Variants in PLCB1 observed in about 807,000 individuals in gnomAD.
The protein encoded by PLCB1 is 1-phosphatidylinositol 4,5-bisphosphate phosphodiesterase beta-1.
In PLCB1, 46 loss-of-function variants were observed where a neutral mutation model predicts 161.8. The observed-to-expected ratio is 0.28, with a 90% CI of 0.22 to 0.36. The LOEUF (loss-of-function observed/expected upper bound fraction) is 0.36, where lower values mean the gene tolerates loss of function less well. PLCB1 is among the 10% of genes least tolerant of loss of function. PLCB1 has a pLI of 1.00. For missense variants in PLCB1, 1,016 were observed against 1,472.5 expected, an observed-to-expected ratio of 0.69 and a Z score of 5.07; for synonymous variants, 517 against 503.7, an observed-to-expected ratio of 1.03 and a Z score of -0.35.
intron 2 of PLCB1, among the ~76,000 whole-genome samples, chr20:8,287,606 A>G (rs1983182992): frequency 6.6e-6 from 1 of 152,208 alleles, no homozygotes; most frequent in African/African-American, 2.4e-5. Flanking sequence ...TCATCTTTAC[A>G]AGGTGTAATA....
chr20:8,213,642 A>C (rs1213898924), intron 2 of PLCB1, among the ~76,000 whole-genome samples: 2 of 152,064 alleles, frequency 1.3e-5, no homozygotes, highest in African/African-American at 4.8e-5. Flanking sequence ...TAAGAAGCCA[A>C]TGAAGAATTT....
intron 27 of PLCB1, among the ~76,000 whole-genome samples, chr20:8,776,372 A>G (rs1982944325): frequency 6.6e-6 from 1 of 152,188 alleles, no homozygotes; most frequent in Non-Finnish European, 1.5e-5. Flanking sequence ...GTTTATAACC[A>G]TTGTGTAGAT....
intron 3 of PLCB1, among the ~76,000 whole-genome samples, chr20:8,591,707 T>C (rs1987156046): frequency 6.6e-6 from 1 of 152,216 alleles, no homozygotes; most frequent in African/African-American, 2.4e-5. Flanking sequence ...GAGAAGCATT[T>C]GTTGTTAAGC....
intron 3 of PLCB1, among the ~76,000 whole-genome samples, chr20:8,536,544 A>C (rs1004278503): frequency 1.3e-5 from 2 of 152,158 alleles, no homozygotes; most frequent in African/African-American, 4.8e-5. Context: ...TTGCAGCAAG[A>C]TGGTGGTTGA....
In PLCB1 at chr20:8,132,833, G is replaced by A. The variant is rs1022460224; in HGVS notation, c.99+83G>A. The A allele has an allele frequency of 9.6e-6, 9 of 933,350 alleles. No individual in the cohort carries two copies. The highest frequency in any genetic ancestry group is 1.5e-5 in the Non-Finnish European group (9 of 592,204). The allele number at this position is 933,350 out of a possible 1,614,324, so 57.8% of individuals were successfully genotyped here. ...GTCGTGGGGGTGGGGCAAGGGGCGCGTTATGCAATGGGCGCACTGGGAGCG... is the reference window on the plus strand; with the variant it reads ...GTCGTGGGGGTGGGGCAAGGGGCGCATTATGCAATGGGCGCACTGGGAGCG... On this transcript the variant is annotated intron_variant, in intron 1 of 31. Coordinates refer to ENST00000338037, the MANE Select transcript of PLCB1 (RefSeq NM_015192.4). This position sits in a 1 kb window ranked among gnomAD's most constrained non-coding sequence, Gnocchi z 5.2.
At chr20:8,432,696 G>A (rs6140615) in intron 3 of PLCB1, among the ~76,000 whole-genome samples, 1 of 152,042 alleles carries the variant, frequency 6.6e-6, no homozygotes, top group Admixed American at 6.6e-5. Context: ...ATTTTCTTCA[G>A]GATCAAAGCG....
At chr20:8,682,002 G>A (rs1990233421) in intron 9 of PLCB1, among the ~76,000 whole-genome samples, 2 of 152,154 alleles carry the variant, frequency 1.3e-5, no homozygotes, top group East Asian at 1.9e-4. Flanking sequence ...TCGTGCCTGG[G>A]TTTCAAGGGG....
At chr20:8,764,781 A>G (rs1982226749) in intron 25 of PLCB1, among the ~76,000 whole-genome samples, 1 of 151,928 alleles carries the variant, frequency 6.6e-6, no homozygotes, top group African/African-American at 2.4e-5. Flanking sequence ...CTGAGACCAC[A>G]CCCTTGCTCA....
At chr20:8,182,504 T>A (rs577040249) in intron 2 of PLCB1, among the ~76,000 whole-genome samples, 4 of 152,126 alleles carry the variant, frequency 2.6e-5, no homozygotes, top group Non-Finnish European at 5.9e-5. Flanking sequence ...AAAGATCATG[T>A]GGAAAAGAGA....
At chr20:8,197,310 C>T (rs931602452) in intron 2 of PLCB1, among the ~76,000 whole-genome samples, 59 of 152,284 alleles carry the variant, frequency 3.9e-4, no homozygotes, top group African/African-American at 1.4e-3. Flanking sequence ...TCTCCATATC[C>T]TCTCCAGCAC....
chr20:8,579,020 G>T (rs974524224), intron 3 of PLCB1, among the ~76,000 whole-genome samples: 5 of 152,180 alleles, frequency 3.3e-5, no homozygotes, highest in African/African-American at 1.2e-4. Context: ...TGTTTTCAGA[G>T]CACTTCTTTT....
chr20:8,236,437 G>C lies in PLCB1; in HGVS notation c.177+86066G>C, dbSNP rs566733534. Among the ~76,000 whole-genome samples the C allele has an allele frequency of 1.4e-3, 216 of 152,152 alleles. 1 individual carries two copies. The highest frequency in any genetic ancestry group is 4.8e-3 in the African/African-American group (201 of 41,508). ...AGTTCTAGCTGCTCGAGAGGCTAAG[G>C]CGGGAGGATCGCTTGAGCCCAGGAG... On this transcript the variant is annotated intron_variant, in intron 2 of 31. Transcript: ENST00000338037.
In PLCB1 at chr20:8,315,880, C is replaced by T. The variant is rs144286384; in HGVS notation, c.178-55502C>T. ...GGAATTAAATGTTTACTGTGTTAAC[C>T]GTTGACCACTCATGGATTTCAGAGA... On this transcript the variant is annotated intron_variant, in intron 2 of 31. Transcript: ENST00000338037. Among the ~76,000 whole-genome samples the T allele has an allele frequency of 2.6e-5, 4 of 152,244 alleles. No homozygotes were observed. The East Asian group carries it at 5.8e-4, about 22-fold the overall frequency.
At chr20:8,603,974 C>T (rs944353965) in intron 3 of PLCB1, among the ~76,000 whole-genome samples, 9 of 152,032 alleles carry the variant, frequency 5.9e-5, no homozygotes, top group Non-Finnish European at 7.4e-5. Context: ...TACTATTGGC[C>T]GGGTGTGGTG....
At chr20:8,254,723 A>G (rs774928013) in intron 2 of PLCB1, among the ~76,000 whole-genome samples, 24 of 152,020 alleles carry the variant, frequency 1.6e-4, no homozygotes, top group Non-Finnish European at 2.1e-4. Context: ...TGTTTAAAAT[A>G]ATGTATGCCT....
At chr20:8,249,362 A>C (rs1600261365) in intron 2 of PLCB1, 2 of 151,952 alleles carry the variant, frequency 1.3e-5, no homozygotes, top group East Asian at 3.9e-4. Flanking sequence ...ATTGCTAATA[A>C]GCAATTTTAA....
intron 2 of PLCB1, among the ~76,000 whole-genome samples, chr20:8,330,531 G>A (rs1156541056): frequency 6.6e-6 from 1 of 152,126 alleles, no homozygotes; most frequent in African/African-American, 2.4e-5. Flanking sequence ...TGCATCAGAC[G>A]AGTGTTCATT....
chr20:8,468,898 T>C (rs1260630084), intron 3 of PLCB1, among the ~76,000 whole-genome samples: 1 of 152,048 alleles, frequency 6.6e-6, no homozygotes, highest in Non-Finnish European at 1.5e-5. Context: ...AGTCAGGAAA[T>C]ATTAGAGAGA....
At chr20:8,228,221 C>T (rs902347500) in intron 2 of PLCB1, among the ~76,000 whole-genome samples, 3 of 151,876 alleles carry the variant, frequency 2.0e-5, no homozygotes, top group Non-Finnish European at 4.4e-5. Context: ...GAATAACAAT[C>T]GGCCCATACA....
Sources: gnomAD v4.1 joint callset for allele counts (sites outside exome capture counted in the v4.1 genomes callset) on GRCh38, gnomAD v4.1.1 for gene constraint, Gnocchi (gnomAD v3.1) non-coding constraint, MANE v1.5 for transcripts, NCBI Gene and HGNC (gene_info 2026-07-23, HGNC 2026-07-21) for gene names.